Variants in LGSN observed in about 807,000 individuals in gnomAD.
LGSN encodes lengsin.
A neutral mutation model predicts 19.5 loss-of-function variants in LGSN; 21 were observed. The ratio of observed to expected loss-of-function variants is 1.07; its 90% CI spans 0.76 to 1.55. LGSN has a LOEUF of 1.55. Among genes scored for constraint, LGSN ranks in the 40% most tolerant of loss-of-function variants. The pLI is 0.00. For missense variants in LGSN, 673 were observed against 608.5 expected, an observed-to-expected ratio of 1.11 and a Z score of -1.12; for synonymous variants, 257 against 215.6, an observed-to-expected ratio of 1.19 and a Z score of -1.68.
the LGSN span, among the ~76,000 whole-genome samples, chr6:63,358,856 C>T: frequency 1.2e-4 from 19 of 152,276 alleles, no homozygotes; most frequent in South Asian, 3.7e-3. Context: ...CTGTCCAGAA[C>T]TTCCAACACT....
the LGSN span, among the ~76,000 whole-genome samples, chr6:63,518,111 C>T: frequency 6.8e-6 from 1 of 146,256 alleles, no homozygotes; most frequent in Non-Finnish European, 1.5e-5. Flanking sequence ...CAGATAGTAC[C>T]ATATCGCACT....
chr6:63,431,824 T>A, the LGSN span, among the ~76,000 whole-genome samples: 1 of 151,428 alleles, frequency 6.6e-6, no homozygotes, highest in South Asian at 2.1e-4. Flanking sequence ...CCCAACACTT[T>A]GGGAGGCTGA....
At chr6:63,383,442 G>T in the LGSN span, among the ~76,000 whole-genome samples, 1 of 150,954 alleles carries the variant, frequency 6.6e-6, no homozygotes, top group Admixed American at 6.6e-5. Context: ...GGGATCAACA[G>T]CATATTCACA....
At chr6:63,517,398 T>C in the LGSN span, among the ~76,000 whole-genome samples, 1 of 152,176 alleles carries the variant, frequency 6.6e-6, no homozygotes, top group East Asian at 1.9e-4. Context: ...ACACCAAGTG[T>C]TGCCTAATGT....
At chr6:63,365,507 T>C in the LGSN span, among the ~76,000 whole-genome samples, 2 of 152,054 alleles carry the variant, frequency 1.3e-5, no homozygotes, top group Non-Finnish European at 2.9e-5. Context: ...CTACCAGAGG[T>C]ACAAAGAGGA....
At chr6:63,417,347 T>G in the LGSN span, among the ~76,000 whole-genome samples, 1 of 152,104 alleles carries the variant, frequency 6.6e-6, no homozygotes, top group African/African-American at 2.4e-5. Flanking sequence ...CCCTCAACTC[T>G]GAAGTTTGAG....
the LGSN span, among the ~76,000 whole-genome samples, chr6:63,480,940 G>GAGATATATATATATAT: frequency 4.8e-4 from 29 of 59,886 alleles, 3 homozygotes; most frequent in South Asian, 1.2e-3. Context: ...TAAAGAAAAT[G>GAGATATATATATATAT]ATATATATAT....
chr6:63,372,461 G>A, the LGSN span, among the ~76,000 whole-genome samples: 60 of 152,240 alleles, frequency 3.9e-4, no homozygotes, highest in African/African-American at 1.4e-3. Flanking sequence ...AAGAGCAGCT[G>A]TGTCCCTATG....
At chr6:63,296,853 A>G (rs986153875) in intron 1 of LGSN, among the ~76,000 whole-genome samples, 9 of 152,156 alleles carry the variant, frequency 5.9e-5, no homozygotes, top group Non-Finnish European at 1.0e-4. Flanking sequence ...ACAAGAGTGA[A>G]TGAAAGATGC....
the LGSN span, among the ~76,000 whole-genome samples, chr6:63,469,695 G>A: frequency 6.6e-6 from 1 of 151,318 alleles, no homozygotes. Context: ...AAACAATACT[G>A]AAAAAAAAAT....
intron 1 of LGSN, among the ~76,000 whole-genome samples, chr6:63,305,953 G>A (rs564141726): frequency 2.6e-5 from 4 of 152,144 alleles, no homozygotes; most frequent in South Asian, 4.1e-4. Context: ...TGTAGTCCCA[G>A]CTACTTGGGA....
chr6:63,398,460 T>A, the LGSN span, among the ~76,000 whole-genome samples: 12 of 151,848 alleles, frequency 7.9e-5, no homozygotes, highest in African/African-American at 2.9e-4. Flanking sequence ...AAGTAAAAAA[T>A]ACATGTAAAA....
At chr6:63,383,499 A>G in the LGSN span, among the ~76,000 whole-genome samples, 3 of 152,106 alleles carry the variant, frequency 2.0e-5, no homozygotes, top group Non-Finnish European at 4.4e-5. Flanking sequence ...ACTTAGAGAT[A>G]AACCTTTTGA....
the LGSN span, among the ~76,000 whole-genome samples, chr6:63,328,754 T>C: frequency 5.3e-5 from 8 of 152,344 alleles, no homozygotes; most frequent in East Asian, 1.5e-3. Context: ...TAGGACCTGC[T>C]TTAAGGTTTT....
chr6:63,489,643 G>A, the LGSN span, among the ~76,000 whole-genome samples: 3 of 151,550 alleles, frequency 2.0e-5, no homozygotes, highest in Admixed American at 6.6e-5. Context: ...GTGCTGGGAT[G>A]GCTGGCGTAA....
At chr6:63,516,998 C>T in the LGSN span, among the ~76,000 whole-genome samples, 1,360 of 152,162 alleles carry the variant, frequency 8.9e-3, 23 homozygotes, top group African/African-American at 0.031. Context: ...AACCATTGAC[C>T]GAAGCCATTG....
the LGSN span, among the ~76,000 whole-genome samples, chr6:63,507,959 G>C: frequency 6.6e-6 from 1 of 151,964 alleles, no homozygotes. Flanking sequence ...AAGCAACTTG[G>C]GTCTCTCAGC....
the LGSN span, among the ~76,000 whole-genome samples, chr6:63,467,832 C>T: frequency 6.6e-6 from 1 of 152,114 alleles, no homozygotes; most frequent in Admixed American, 6.6e-5. Context: ...GCTGGGATTA[C>T]AGGAACGCAT....
At chr6:63,505,018 T>C in the LGSN span, among the ~76,000 whole-genome samples, 1 of 151,402 alleles carries the variant, frequency 6.6e-6, no homozygotes, top group African/African-American at 2.4e-5. Flanking sequence ...AGATTAGCTA[T>C]GCTTCATTTC....
Sources: allele counts gnomAD v4.1 joint callset (sites outside exome capture counted in the v4.1 genomes callset), GRCh38; gene constraint gnomAD v4.1.1; transcripts MANE v1.5; gene names NCBI Gene and HGNC (gene_info 2026-07-23, HGNC 2026-07-21).